STK3: variants seen among roughly 807,000 people sequenced by gnomAD.
STK3 encodes serine/threonine-protein kinase 3.
In STK3, 41 loss-of-function variants were observed where a neutral mutation model predicts 58.0. The observed-to-expected ratio is 0.71, with a 90% confidence interval of 0.55 to 0.92. The LOEUF (loss-of-function observed/expected upper bound fraction) is 0.92. Among genes scored for constraint, STK3 ranks in the 40% least tolerant of loss-of-function variants. The pLI is 0.00. For synonymous variants in STK3, 170 were observed against 191.0 expected, an observed-to-expected ratio of 0.89 and a Z score of 0.91; for missense variants, 479 against 602.7, an observed-to-expected ratio of 0.79 and a Z score of 2.15.
At chr8:98,836,027 C>G (rs1835732997) in intron 3 of STK3, among the ~76,000 whole-genome samples, 2 of 152,100 alleles carry the variant, frequency 1.3e-5, no homozygotes, top group African/African-American at 4.8e-5. Context: ...ATGGTGAAAC[C>G]CTGTCTCTAC....
intron 9 of STK3, among the ~76,000 whole-genome samples, chr8:98,542,058 A>C (rs536906895): frequency 2.2e-4 from 34 of 152,290 alleles, no homozygotes; most frequent in Non-Finnish European, 7.4e-5. Flanking sequence ...CAGTTTCCTT[A>C]GTGCTAAATG....
At chr8:98,797,447 C>T (rs188554985) in intron 1 of STK3, among the ~76,000 whole-genome samples, 1 of 152,248 alleles carries the variant, frequency 6.6e-6, no homozygotes, top group East Asian at 1.9e-4. Flanking sequence ...GAGCTTAGAT[C>T]AAGGCAATAA....
chr8:98,639,956 C>T (rs1200798696), intron 6 of STK3, among the ~76,000 whole-genome samples: 1 of 151,936 alleles, frequency 6.6e-6, no homozygotes, highest in African/African-American at 2.4e-5. Context: ...ACTAAAAATA[C>T]AAAAATTAGT....
chr8:98,663,205 G>A (rs1008212715), intron 6 of STK3, among the ~76,000 whole-genome samples: 3 of 152,134 alleles, frequency 2.0e-5, no homozygotes, highest in Non-Finnish European at 4.4e-5. Context: ...CAAAAAGTGG[G>A]TGAAGGATAT....
chr8:98,709,084 T>G (rs1459809417), intron 4 of STK3, among the ~76,000 whole-genome samples: 1 of 152,080 alleles, frequency 6.6e-6, no homozygotes, highest in East Asian at 1.9e-4. Context: ...ATCATGCCTA[T>G]GTAACAGAAT....
chr8:98,856,011 G>T (rs973921133), intron 3 of STK3, among the ~76,000 whole-genome samples: 4 of 152,026 alleles, frequency 2.6e-5, no homozygotes, highest in Admixed American at 2.6e-4. Context: ...ACAAAAATTA[G>T]CTGGGCATTG....
chr8:98,424,036 A>G (rs1240289576), intron 3 of STK3, among the ~76,000 whole-genome samples: 1 of 152,218 alleles, frequency 6.6e-6, no homozygotes, highest in African/African-American at 2.4e-5. Flanking sequence ...CAGGGCTCAG[A>G]CCTCTAAATA....
intron 1 of STK3, among the ~76,000 whole-genome samples, chr8:98,794,571 C>T (rs1833006368): frequency 6.6e-6 from 1 of 152,128 alleles, no homozygotes; most frequent in East Asian, 1.9e-4. Flanking sequence ...CATGGATTTA[C>T]AGCCGAATTC....
intron 3 of STK3, among the ~76,000 whole-genome samples, chr8:98,869,835 T>A (rs1175085095): frequency 6.6e-6 from 1 of 151,800 alleles, no homozygotes; most frequent in East Asian, 1.9e-4. Context: ...GATAATATAT[T>A]TTTTCTTTTT....
chr8:98,541,898 AG>A (rs1451456965), intron 9 of STK3, among the ~76,000 whole-genome samples: 1 of 152,196 alleles, frequency 6.6e-6, no homozygotes, highest in Non-Finnish European at 1.5e-5. Flanking sequence ...TCTTTCCTAA[AG>A]GACTCTTAAA....
At position 98,429,200 on chromosome 8, in the gene STK3, C is replaced by T. The variant is rs372842180; in HGVS notation, n.483+4927G>A. 14 of 1,613,910 alleles carry T rather than the reference C, an allele frequency of 8.7e-6. No individual in the cohort carries two copies. The African/African-American group carries it at 1.7e-4, about 20-fold the overall frequency. On this transcript the variant is annotated intron_variant and non_coding_transcript_variant, in intron 3 of 3. Transcript: ENST00000517832. ...TCCTCGTGGTGGTCCTGCCCATCAC[C>T]TTGATCTTCAATAAGTTCTCCCACT...
At chr8:98,476,481 G>A (rs1169932861) in intron 10 of STK3, among the ~76,000 whole-genome samples, 3 of 152,034 alleles carry the variant, frequency 2.0e-5, no homozygotes, top group Non-Finnish European at 4.4e-5. Context: ...CTGGCTCTGC[G>A]GCCCCCTGAA....
intron 6 of STK3, among the ~76,000 whole-genome samples, chr8:98,672,258 G>A (rs1822886184): frequency 1.3e-5 from 2 of 151,272 alleles, no homozygotes; most frequent in Non-Finnish European, 1.5e-5. Context: ...GGCGGTGGGT[G>A]TGGGGGGTTA....
chr8:98,836,047 A>G (rs1835733791), intron 3 of STK3, among the ~76,000 whole-genome samples: 1 of 152,142 alleles, frequency 6.6e-6, no homozygotes, highest in Non-Finnish European at 1.5e-5. Context: ...CCTAAGATAC[A>G]AAAATTAGCC....
chr8:98,900,489 AG>A (rs779173583), intron 1 of STK3, among the ~76,000 whole-genome samples: 5 of 152,080 alleles, frequency 3.3e-5, no homozygotes, highest in Non-Finnish European at 4.4e-5. Flanking sequence ...ACACATATAT[AG>A]TTTCCCCTCC....
At chr8:98,369,460 G>A (rs916045910), downstream of STK3, among the ~76,000 whole-genome samples, 1 of 152,122 alleles carries the variant, frequency 6.6e-6, no homozygotes, top group Non-Finnish European at 1.5e-5. Flanking sequence ...TTCAGGGGAG[G>A]TGAGTGTGAA....
intron 6 of STK3, among the ~76,000 whole-genome samples, chr8:98,700,045 T>G (rs1456897679): frequency 6.6e-6 from 1 of 152,222 alleles, no homozygotes; most frequent in Non-Finnish European, 1.5e-5. Context: ...GCTGCTTTGT[T>G]TACCTAAGCA....
At chr8:98,774,089 A>C (rs12679734) in intron 2 of STK3, among the ~76,000 whole-genome samples, 113,476 of 152,086 alleles carry the variant, frequency 0.75, 43,332 homozygotes, top group African/African-American at 0.91. Flanking sequence ...AGCCACCGCG[A>C]CCGGCCTAGC....
intron 6 of STK3, among the ~76,000 whole-genome samples, chr8:98,705,432 C>T (rs77434868): frequency 1.3e-5 from 2 of 148,908 alleles, no homozygotes; most frequent in African/African-American, 4.9e-5. Flanking sequence ...AAAAAAAAAA[C>T]TCTCTTTAAA....
Sources: allele counts gnomAD v4.1 joint callset (sites outside exome capture counted in the v4.1 genomes callset), GRCh38; gene constraint gnomAD v4.1.1; transcripts MANE v1.5; gene names NCBI Gene and HGNC (gene_info 2026-07-23, HGNC 2026-07-21).